Variants in CFAP20DC observed in about 807,000 individuals in gnomAD.
CFAP20DC encodes the protein protein CFAP20DC.
In CFAP20DC, 84 loss-of-function variants were observed where a neutral mutation model predicts 101.7. The ratio of observed to expected loss-of-function variants is 0.83; its 90% CI spans 0.69 to 0.99. The LOEUF (loss-of-function observed/expected upper bound fraction) is 0.99, where lower values mean the gene tolerates loss of function less well. Ranked by LOEUF, CFAP20DC falls within the 50% of genes least tolerant of loss-of-function variation. The probability of loss-of-function intolerance (pLI) is 0.00; values close to 1 mark genes in which losing one functional copy is unlikely to be tolerated. For missense variants in CFAP20DC, 1,007 were observed against 970.3 expected (o/e 1.04, Z -0.50); for synonymous variants, 359 against 351.2 (o/e 1.02, Z -0.25).
downstream of CFAP20DC, among the ~76,000 whole-genome samples, chr3:58,738,116 T>A (rs59638112): frequency 0.056 from 8,600 of 152,218 alleles, 531 homozygotes; most frequent in East Asian, 0.35. The surrounding 1 kb of genome is among the most constrained non-coding windows in gnomAD (Gnocchi z 4.4). Flanking sequence ...GAATGCAAAA[T>A]GAATGATGTA....
chr3:58,944,836 T>C (rs940277803), intron 4 of CFAP20DC, among the ~76,000 whole-genome samples: 3 of 152,122 alleles, frequency 2.0e-5, no homozygotes, highest in African/African-American at 7.2e-5. Flanking sequence ...TCCAGAAGGA[T>C]GATCTCCAAG....
intron 12 of CFAP20DC, chr3:58,862,625 T>G (rs868375525): frequency 1.0e-6 from 1 of 985,324 alleles, no homozygotes; most frequent in Admixed American, 6.1e-5. Context: ...GTTGGTGCTA[T>G]GGACTTAATC....
Position 58,717,568 on chromosome 3 carries a change from T to G in CFAP20DC, c.*20A>C, listed in dbSNP as rs1256447394. On this transcript the variant is annotated 3_prime_UTR_variant, in exon 4 of 4. Transcript: ENST00000486145. The surrounding 1 kb of genome is among the most constrained non-coding windows in gnomAD (Gnocchi z 4.1). Reference sequence around the variant, plus strand: ...CTTCCAGGTTCTTGTCCTGATATCTTTAGAGTGTGAGTTTTGCCTTCACAG... The same window carrying G: ...CTTCCAGGTTCTTGTCCTGATATCTGTAGAGTGTGAGTTTTGCCTTCACAG... 2 of 450,554 alleles carry G rather than the reference T, an allele frequency of 4.4e-6. No individual in the cohort carries two copies. The highest frequency in any genetic ancestry group is 8.9e-6 in the Non-Finnish European group (2 of 225,450). 27.9% of individuals were successfully genotyped at this position (450,554 alleles called of 1,614,324 possible).
intron 15 of CFAP20DC, among the ~76,000 whole-genome samples, chr3:58,779,610 G>C (rs367751628): frequency 1.3e-5 from 2 of 152,160 alleles, no homozygotes; most frequent in Admixed American, 6.5e-5. Flanking sequence ...TCGAGCAGAA[G>C]AAAGAATCTC....
intron 2 of CFAP20DC, among the ~76,000 whole-genome samples, chr3:59,046,823 T>C (rs1423671099): frequency 1.3e-5 from 2 of 151,994 alleles, no homozygotes; most frequent in Admixed American, 6.6e-5. Flanking sequence ...GGTAAGACAG[T>C]AGGGATGAAT....
At chr3:58,904,813 C>T (rs2083447708) in intron 6 of CFAP20DC, among the ~76,000 whole-genome samples, 2 of 152,068 alleles carry the variant, frequency 1.3e-5, no homozygotes, top group South Asian at 4.1e-4. Flanking sequence ...TTCAGTGAGT[C>T]TATTAAGGCT....
chr3:58,841,752 C>T (rs6791515), intron 13 of CFAP20DC, among the ~76,000 whole-genome samples: 27,815 of 152,054 alleles, frequency 0.18, 4,481 homozygotes, highest in African/African-American at 0.42. Context: ...ATGTCTCTTT[C>T]TTTTCTAAAG....
chr3:58,837,538 G>T (rs1420647604), intron 13 of CFAP20DC, among the ~76,000 whole-genome samples: 1 of 152,038 alleles, frequency 6.6e-6, no homozygotes, highest in Non-Finnish European at 1.5e-5. Flanking sequence ...TGGTTGCATG[G>T]GTGTGTTCAG....
chr3:58,821,239 G>A (rs1000371478), intron 14 of CFAP20DC, among the ~76,000 whole-genome samples: 5 of 152,142 alleles, frequency 3.3e-5, no homozygotes, highest in Non-Finnish European at 7.3e-5. Flanking sequence ...CATGGGCAAG[G>A]ACTTCATGTA....
At chr3:58,736,957 G>A (rs2067770474) in intron 3 of CFAP20DC, among the ~76,000 whole-genome samples, 5 of 152,134 alleles carry the variant, frequency 3.3e-5, no homozygotes, top group Admixed American at 2.0e-4. Flanking sequence ...TTAAAACCAC[G>A]CAAACCAGAA....
intron 16 of CFAP20DC, among the ~76,000 whole-genome samples, chr3:58,751,020 CT>C (rs2068526895): frequency 1.3e-5 from 2 of 152,032 alleles, no homozygotes; most frequent in Non-Finnish European, 2.9e-5. Context: ...AATTGCTCTA[CT>C]TTTTTCCCCC....
At chr3:58,807,149 CAAA>C (rs1213372202) in intron 14 of CFAP20DC, among the ~76,000 whole-genome samples, 2 of 152,168 alleles carry the variant, frequency 1.3e-5, no homozygotes, top group Non-Finnish European at 2.9e-5. Flanking sequence ...GGGGCACAGA[CAAA>C]AAGACAGCAG....
rs906707148 is a variant in CFAP20DC, at chr3:59,007,390, G to A, written c.278+32167C>T. On this transcript the variant is annotated intron_variant, in intron 4 of 16. Transcript: ENST00000482387. This position sits in a 1 kb window ranked among gnomAD's most constrained non-coding sequence, Gnocchi z 4.4. ...TCTCCCTTCTACTACTGCAGCTGGC[G>A]CTCTCTGGAAAGCACCACCTCCTGG... Among the ~76,000 whole-genome samples the A allele has an allele frequency of 5.9e-5, 9 of 152,098 alleles. No homozygotes were observed. Among genetic ancestry groups the A allele is most frequent in the Admixed American group, 2.0e-4 (3 of 15,266 alleles).
At position 58,742,136 on chromosome 3, in the gene CFAP20DC, T is replaced by C. The variant is rs114435120; in HGVS notation, c.*324A>G. On this transcript the variant is annotated 3_prime_UTR_variant, in exon 17 of 17. Transcript: ENST00000482387. ...TTTACAGATTAACACTGCAAAAAAT[T>C]TGAATGAATAACTCTTAATTTGTTT... The C allele has an allele frequency of 4.7e-4, 434 of 923,852 alleles. 3 individuals are homozygous for C. In the African/African-American group the frequency reaches 7.3e-3, roughly 16 times the overall value. The allele number at this position is 923,852 out of a possible 1,614,324, so 57.2% of individuals were successfully genotyped here.
At chr3:58,746,321 TCTTA>T (rs891411233) in intron 16 of CFAP20DC, among the ~76,000 whole-genome samples, 2 of 152,168 alleles carry the variant, frequency 1.3e-5, no homozygotes, top group African/African-American at 4.8e-5. Flanking sequence ...TTGGATTCTG[TCTTA>T]CTCCATCAGC....
intron 14 of CFAP20DC, among the ~76,000 whole-genome samples, chr3:58,822,984 C>A (rs2075792278): frequency 6.6e-6 from 1 of 152,154 alleles, no homozygotes; most frequent in South Asian, 2.1e-4. Context: ...AGAATCTGAA[C>A]AAAAGCCTTG....
Position 58,742,375 on chromosome 3 carries a change from A to G in CFAP20DC, c.*85T>C. On this transcript the variant is annotated 3_prime_UTR_variant, in exon 17 of 17. Transcript: ENST00000482387. ...TGTTGATTTTGTGGTCACCCAACACATAAGTTGTGGTGACTCCTTAAGCGA... is the reference window on the plus strand; with the variant it reads ...TGTTGATTTTGTGGTCACCCAACACGTAAGTTGTGGTGACTCCTTAAGCGA... The G allele has an allele frequency of 7.4e-7, 1 of 1,354,520 alleles. No homozygotes were observed. The allele number at this position is 1,354,520 out of a possible 1,614,324, so 83.9% of individuals were successfully genotyped here. A position where few individuals can be genotyped will look rare whatever the true frequency, so the allele number is the denominator to read the frequency against.
chr3:58,738,557 T>C (rs1170906028), downstream of CFAP20DC, among the ~76,000 whole-genome samples: 2 of 152,238 alleles, frequency 1.3e-5, no homozygotes, highest in African/African-American at 4.8e-5. This position sits in a 1 kb window ranked among gnomAD's most constrained non-coding sequence, Gnocchi z 4.4. Flanking sequence ...CCATGGTGTA[T>C]ATGTACCACA....
intron 13 of CFAP20DC, among the ~76,000 whole-genome samples, chr3:58,848,250 A>C (rs1384349994): frequency 1.3e-5 from 2 of 152,100 alleles, no homozygotes; most frequent in African/African-American, 2.4e-5. Flanking sequence ...TGCTGATGAT[A>C]ATCATGAATA....
Sources: allele counts gnomAD v4.1 joint callset (sites outside exome capture counted in the v4.1 genomes callset), GRCh38; gene constraint gnomAD v4.1.1; non-coding constraint Gnocchi (gnomAD v3.1); transcripts MANE v1.5; gene names NCBI Gene and HGNC (gene_info 2026-07-23, HGNC 2026-07-21).